Variants in EPCAM observed in about 807,000 individuals in gnomAD.
The protein encoded by EPCAM is adenocarcinoma-associated antigen.
In EPCAM, 39 loss-of-function variants were observed where a neutral mutation model predicts 40.0. The ratio of observed to expected loss-of-function variants is 0.98; its 90% CI spans 0.76 to 1.27. EPCAM has a LOEUF of 1.27. Ranked by LOEUF, EPCAM falls within the 50% of genes most tolerant of loss-of-function variation. The pLI is 0.00. For synonymous variants in EPCAM, 168 were observed against 132.3 expected (o/e 1.27, Z -1.85); for missense variants, 503 against 381.2 (o/e 1.32, Z -2.66).
chr2:47,373,219 A>AAAAC (rs1671324276), intron 1 of EPCAM, among the ~76,000 whole-genome samples: 2 of 148,742 alleles, frequency 1.3e-5, no homozygotes, highest in Non-Finnish European at 3.0e-5. Context: ...AAAAAAAAAA[A>AAAAC]AAAAAAAAAA....
chr2:47,383,156 A>C (rs1173115814), intron 7 of EPCAM: 1 of 152,018 alleles, frequency 6.6e-6, no homozygotes. Context: ...AATACAAAAA[A>C]TTAGCCAGGT....
intron 7 of EPCAM, among the ~76,000 whole-genome samples, chr2:47,383,975 CTTT>C (rs901320885): frequency 6.6e-6 from 1 of 151,654 alleles, no homozygotes; most frequent in South Asian, 2.1e-4. Context: ...TCATTGTTTC[CTTT>C]TTTTCTTTCT....
rs760722807 is a variant in EPCAM at position 47,383,607 on chromosome 2, CTTTTTTTTTTTTTTTTTTTTT to C, written c.859-1534_859-1514del. Among the ~76,000 whole-genome samples the C allele has an allele frequency of 3.5e-3, 127 of 36,434 alleles. 1 individual carries two copies. The highest frequency in any genetic ancestry group is 4.5e-3 in the African/African-American group (61 of 13,528). 23.9% of individuals were successfully genotyped at this position (36,434 alleles called of 152,430 possible). ...CATGAGCCACTGTGCCCGGCTTCTT[CTTTTTTTTTTTTTTTTTTTTT>C]TTTTTTTTTTTTTTTTTTTTTTTTG... is the stretch of plus-strand genomic sequence containing the variant. On this transcript the variant is annotated intron_variant, in intron 7 of 8. Transcript: ENST00000263735.
chr2:47,369,561 C>G lies in EPCAM; in HGVS notation c.56C>G (p.Thr19Ser), dbSNP rs931338743. The G allele has an allele frequency of 6.3e-7, 1 of 1,589,764 alleles. No homozygotes were observed. Among genetic ancestry groups the G allele is most frequent in the Non-Finnish European group, 8.5e-7 (1 of 1,171,346 alleles). The change falls in exon 1 of 9, where the codon ACT becomes AGT. Residue 19 changes from threonine (T) to serine (S), a missense_variant. By Grantham distance (58) the Thr-to-Ser change is moderately conservative (BLOSUM62 1). Coordinates refer to ENST00000263735, the MANE Select transcript of EPCAM (RefSeq NM_002354.3). ...CTTCTGCTTGCCGCGGCGACGGCGACTTTTGCCGCAGCTCAGGAAGGTGAG... is the reference window on the plus strand; with the variant it reads ...CTTCTGCTTGCCGCGGCGACGGCGAGTTTTGCCGCAGCTCAGGAAGGTGAG... ...FGLLLAAATATFAAAQEECVC... is the reference protein window; with the variant it reads ...FGLLLAAATASFAAAQEECVC...
intron 1 of EPCAM, among the ~76,000 whole-genome samples, chr2:47,373,000 G>GTTCAAAACC (rs1671316320): frequency 6.6e-6 from 1 of 151,826 alleles, no homozygotes; most frequent in African/African-American, 2.4e-5. Context: ...GAGGCCAGGA[G>GTTCAAAACC]TTCAAAACCA....
rs147650232 is a variant in EPCAM, at chr2:47,386,629, A to G, written c.*16A>G. ...CAATGCATAACTATATAATTTGAAG[A>G]TTATAGAAGAAGGGAAATAGCAAAT... On this transcript the variant is annotated 3_prime_UTR_variant, in exon 9 of 9. Coordinates refer to ENST00000263735, the MANE Select transcript of EPCAM (RefSeq NM_002354.3). The G allele has an allele frequency of 1.2e-3, 1,954 of 1,584,236 alleles. 9 individuals are homozygous for G. Among genetic ancestry groups the G allele is most frequent in the East Asian group, 4.0e-3 (180 of 44,684 alleles).
chr2:47,379,398 T>C (rs1302205303), intron 6 of EPCAM, among the ~76,000 whole-genome samples: 1 of 152,208 alleles, frequency 6.6e-6, no homozygotes, highest in Non-Finnish European at 1.5e-5. Flanking sequence ...GATTAAAATA[T>C]TTTGTTGAAA....
rs1433153946 is a variant in EPCAM at position 47,379,960 on chromosome 2, T to A, written c.849T>A (p.Ile283=). 6.2e-7 allele frequency: 1 copy of A among 1,612,228 alleles called. No individual in the cohort carries two copies. The highest frequency in any genetic ancestry group is 8.5e-7 in the Non-Finnish European group (1 of 1,178,934). Residue 283 remains isoleucine, a synonymous_variant, in exon 7 of 9, where the codon ATT becomes ATA. Transcript: ENST00000263735. ...VVVVIAVVAG[I]VVLVISRKKR... The stretch of plus-strand genomic sequence containing the variant: ...TGGTGATAGCAGTTGTTGCTGGAAT[T>A]GTTGTGCTGGTGAGTACAGAACAAG...
intron 1 of EPCAM, 127 bp from the exon 2 acceptor site, chr2:47,373,336 T>A: frequency 1.5e-6 from 1 of 685,344 alleles, no homozygotes; most frequent in East Asian, 2.8e-5. Flanking sequence ...AAATAAAACA[T>A]TCAGAACCAC....
In EPCAM at chr2:47,386,792, T is replaced by A; in HGVS notation, c.*179T>A. The A allele has an allele frequency of 2.0e-6, 1 of 497,286 alleles. No individual in the cohort carries two copies. Among genetic ancestry groups the A allele is most frequent in the Non-Finnish European group, 3.6e-6 (1 of 279,702 alleles). The allele number at this position is 497,286 out of a possible 1,614,324, so 30.8% of individuals were successfully genotyped here. ...CAGCTTGAAACTGGCTTTACCAATC[T>A]TGAAATTTGACCACAAGTGTCTTAT... On this transcript the variant is annotated 3_prime_UTR_variant, in exon 9 of 9. Coordinates refer to ENST00000263735, the MANE Select transcript of EPCAM (RefSeq NM_002354.3).
chr2:47,379,060 T>C lies in EPCAM; in HGVS notation c.657+6T>C, dbSNP rs370631241. 34 of 1,401,546 alleles carry C rather than the reference T, an allele frequency of 2.4e-5. No individual in the cohort carries two copies. The highest frequency in any genetic ancestry group is 1.7e-5 in the Non-Finnish European group (17 of 986,446). 86.8% of individuals were successfully genotyped at this position (1,401,546 alleles called of 1,614,324 possible). ...CTTATTATTTTGAAAAAGATGTGAG[T>C]ATCATCTTCTTTATTCCTGTGTTCA... On this transcript the variant is annotated splice_donor_region_variant and intron_variant, in intron 6 of 8. Coordinates refer to ENST00000263735, the MANE Select transcript of EPCAM (RefSeq NM_002354.3).
chr2:47,370,116 C>T (rs1382851535), intron 1 of EPCAM, among the ~76,000 whole-genome samples: 1 of 152,198 alleles, frequency 6.6e-6, no homozygotes, highest in Non-Finnish European at 1.5e-5. Flanking sequence ...CCACACAGGG[C>T]GTGTGGGTGT....
At chr2:47,377,680 A>G (rs1343583936) in intron 5 of EPCAM, 6 of 355,872 alleles carry the variant, frequency 1.7e-5, no homozygotes, top group Admixed American at 8.7e-5. Context: ...GATGAGCTCC[A>G]GTAACATCTT....
At chr2:47,380,500 G>A (rs892151366) in intron 7 of EPCAM, among the ~76,000 whole-genome samples, 1 of 152,126 alleles carries the variant, frequency 6.6e-6, no homozygotes, top group Non-Finnish European at 1.5e-5. Context: ...TTGTGGCTGT[G>A]CACCTCACAG....
At chr2:47,370,776 GC>G (rs1025871415) in intron 1 of EPCAM, among the ~76,000 whole-genome samples, 2 of 151,870 alleles carry the variant, frequency 1.3e-5, no homozygotes, top group African/African-American at 4.8e-5. Context: ...TGTTGCCCAG[GC>G]TGGAGTACAA....
At chr2:47,379,079 GTGTT>G in intron 6 of EPCAM, 25 bp downstream of exon 6, 22 of 1,206,544 alleles carry the variant, frequency 1.8e-5, no homozygotes, top group Non-Finnish European at 2.6e-5. Flanking sequence ...CTTTATTCCT[GTGTT>G]CAGGAATGTA....
intron 7 of EPCAM, among the ~76,000 whole-genome samples, chr2:47,384,554 C>G (rs1169189858): frequency 6.6e-6 from 1 of 151,718 alleles, no homozygotes; most frequent in Non-Finnish European, 1.5e-5. Context: ...GCTGGGATTA[C>G]AGGCGACCAC....
chr2:47,378,018 A>G (rs1671471896), intron 5 of EPCAM, among the ~76,000 whole-genome samples: 2 of 151,960 alleles, frequency 1.3e-5, no homozygotes, highest in African/African-American at 4.8e-5. Flanking sequence ...GGATCACAAG[A>G]TCAGGAGATC....
intron 7 of EPCAM, among the ~76,000 whole-genome samples, chr2:47,382,532 C>G (rs1431046590): frequency 6.6e-6 from 1 of 152,030 alleles, no homozygotes; most frequent in Non-Finnish European, 1.5e-5. Flanking sequence ...ACTAAAAATA[C>G]AAAATGAGCC....
Sources: gnomAD v4.1 joint callset for allele counts (sites outside exome capture counted in the v4.1 genomes callset) on GRCh38, gnomAD v4.1.1 for gene constraint, MANE v1.5 for transcripts, NCBI Gene and HGNC (gene_info 2026-07-23, HGNC 2026-07-21) for gene names.